CORO2B: variants seen among roughly 807,000 people sequenced by gnomAD.
CORO2B encodes the protein coronin-2B.
In CORO2B, 26 loss-of-function variants were observed where a neutral mutation model predicts 58.8. The observed-to-expected ratio is 0.44, with a 90% CI of 0.32 to 0.61. CORO2B has a LOEUF of 0.61. CORO2B is among the 20% of genes least tolerant of loss of function. The pLI is 0.04. For missense variants in CORO2B, 460 were observed against 645.1 expected, an observed-to-expected ratio of 0.71 and a Z score of 3.11; for synonymous variants, 242 against 253.8, an observed-to-expected ratio of 0.95 and a Z score of 0.44.
At chr15:68,663,225 A>T (rs1309860295) in intron 2 of CORO2B, among the ~76,000 whole-genome samples, 1 of 152,210 alleles carries the variant, frequency 6.6e-6, no homozygotes, top group South Asian at 2.1e-4. Context: ...ATATAGAAAG[A>T]GTTTCCTTGC....
At chr15:68,690,339 T>C (rs2140309246) in intron 2 of CORO2B, among the ~76,000 whole-genome samples, 2 of 152,352 alleles carry the variant, frequency 1.3e-5, no homozygotes, top group Middle Eastern at 3.4e-3. Context: ...CATTTCCTAC[T>C]CTGGTTTTAG....
intron 1 of CORO2B, among the ~76,000 whole-genome samples, chr15:68,579,669 G>C (rs1000077004): frequency 4.6e-5 from 7 of 152,208 alleles, no homozygotes; most frequent in Non-Finnish European, 1.0e-4. Flanking sequence ...GTGGGTGTGG[G>C]GATGGGCCTG....
At chr15:68,598,707 G>A (rs569013039) in intron 1 of CORO2B, among the ~76,000 whole-genome samples, 1 of 152,324 alleles carries the variant, frequency 6.6e-6, no homozygotes, top group East Asian at 1.9e-4. Flanking sequence ...GCTCTCCTCT[G>A]TGCCTTCCCA....
At chr15:68,604,499 G>A (rs1004110169) in intron 1 of CORO2B, among the ~76,000 whole-genome samples, 1 of 151,928 alleles carries the variant, frequency 6.6e-6, no homozygotes, top group African/African-American at 2.4e-5. Flanking sequence ...AAATTAAAAA[G>A]GTGTGGTTTT....
chr15:68,691,312 A>G (rs1892360177), intron 2 of CORO2B, among the ~76,000 whole-genome samples: 1 of 115,628 alleles, frequency 8.6e-6, no homozygotes, highest in East Asian at 2.6e-4. Flanking sequence ...CCTGGGAGAC[A>G]GCGAGACTCC....
chr15:68,645,914 C>T lies in CORO2B; in HGVS notation c.216+554C>T, dbSNP rs1006671442. On this transcript the variant is annotated intron_variant, in intron 2 of 11. Coordinates refer to ENST00000261861, the MANE Select transcript of CORO2B (RefSeq NM_006091.5). The surrounding 1 kb of genome is among the most constrained non-coding windows in gnomAD (Gnocchi z 4.5). Reference sequence around the variant, plus strand: ...TCAGCCTCCCGAGAAGCTGGGATTGCAGGCACGTGCCACCACGCCCAGCTA... The same window carrying T: ...TCAGCCTCCCGAGAAGCTGGGATTGTAGGCACGTGCCACCACGCCCAGCTA... Among the ~76,000 whole-genome samples the T allele has an allele frequency of 6.6e-6, 1 of 152,046 alleles. No individual in the cohort carries two copies. Among genetic ancestry groups the T allele is most frequent in the Non-Finnish European group, 1.5e-5 (1 of 68,022 alleles).
chr15:68,717,953 A>G (rs1419156326), intron 8 of CORO2B, among the ~76,000 whole-genome samples: 1 of 152,212 alleles, frequency 6.6e-6, no homozygotes, highest in East Asian at 1.9e-4. Flanking sequence ...TCCTCCTCGA[A>G]CCAGCCAAGG....
At chr15:68,652,866 A>C (rs1480123025) in intron 2 of CORO2B, among the ~76,000 whole-genome samples, 1 of 152,204 alleles carries the variant, frequency 6.6e-6, no homozygotes, top group Non-Finnish European at 1.5e-5. Context: ...GTGCCTGCCC[A>C]CCTTACAGAG....
At chr15:68,659,346 CAATT>C (rs1287964532) in intron 2 of CORO2B, among the ~76,000 whole-genome samples, 2 of 152,192 alleles carry the variant, frequency 1.3e-5, no homozygotes, top group Non-Finnish European at 1.5e-5. Flanking sequence ...CATAAACAGT[CAATT>C]AACACATATC....
At chr15:68,711,140 C>T (rs1203835908) in intron 4 of CORO2B, among the ~76,000 whole-genome samples, 2 of 152,150 alleles carry the variant, frequency 1.3e-5, no homozygotes, top group Admixed American at 6.5e-5. Context: ...CCCTTCCATG[C>T]CCACACCCTT....
chr15:68,628,766 AT>A (rs1900749312), intron 1 of CORO2B, among the ~76,000 whole-genome samples: 1 of 152,228 alleles, frequency 6.6e-6, no homozygotes, highest in South Asian at 2.1e-4. Context: ...CCCAGGGCTT[AT>A]CCTGCCTCCT....
intron 1 of CORO2B, chr15:68,641,514 A>C (rs1222524216): frequency 2.0e-6 from 2 of 985,026 alleles, no homozygotes; most frequent in Non-Finnish European, 2.4e-6. Context: ...AGGGTGGACG[A>C]GGAAGAGGTG....
the CORO2B span, among the ~76,000 whole-genome samples, chr15:68,559,179 C>A: frequency 1.3e-5 from 2 of 152,004 alleles, no homozygotes; most frequent in Non-Finnish European, 2.9e-5. This position sits in a 1 kb window ranked among gnomAD's most constrained non-coding sequence, Gnocchi z 4.3. Context: ...GGCGTCAGTG[C>A]TACTTCAAAG....
At chr15:68,594,731 G>A (rs1282282863) in intron 1 of CORO2B, among the ~76,000 whole-genome samples, 2 of 152,206 alleles carry the variant, frequency 1.3e-5, no homozygotes, top group Non-Finnish European at 2.9e-5. Flanking sequence ...TGGGTTTGAA[G>A]TGAGACAGAG....
In CORO2B at chr15:68,719,416, C is replaced by G; in HGVS notation, c.1175C>G (p.Pro392Arg). ...GCGTTTCCCTTGCCTTCTTTAGATC[C>G]CGTGCTGATGTCTTTGAAAGAAGGC... ...DEWLGGINRD[P>R]VLMSLKEGYK... is the part of the protein sequence containing the mutation. Residue 392 changes from proline (P) to arginine (R), a missense_variant, in exon 11 of 12, where the codon CCC becomes CGC. Pro to Arg is a moderately radical substitution (Grantham distance 103, BLOSUM62 -2). This residue lies in a region of CORO2B where 352 missense variants were observed against 543.0 expected (regional missense o/e 0.65). Transcript: ENST00000261861. 1 of 1,613,452 alleles carries G rather than the reference C, an allele frequency of 6.2e-7. No homozygotes were observed. Among genetic ancestry groups the G allele is most frequent in the Non-Finnish European group, 8.5e-7 (1 of 1,179,796 alleles).
upstream of CORO2B, among the ~76,000 whole-genome samples, chr15:68,575,236 C>T (rs11631477): frequency 0.25 from 37,848 of 152,112 alleles, 4,859 homozygotes; most frequent in African/African-American, 0.3. Context: ...TGGATAAACA[C>T]CCGCTAGGCT....
At chr15:68,642,406 G>A (rs1315915735) in intron 1 of CORO2B, among the ~76,000 whole-genome samples, 5 of 152,116 alleles carry the variant, frequency 3.3e-5, no homozygotes, top group African/African-American at 1.2e-4. Flanking sequence ...CTAGAAACAG[G>A]CCTTGTGCAG....
At chr15:68,656,838 G>A (rs768097007) in intron 2 of CORO2B, among the ~76,000 whole-genome samples, 8 of 152,132 alleles carry the variant, frequency 5.3e-5, no homozygotes, top group African/African-American at 1.7e-4. Context: ...TCCTAACCCC[G>A]AGGCTGTTCT....
chr15:68,652,511 C>T (rs185756297), intron 2 of CORO2B, among the ~76,000 whole-genome samples: 3 of 152,312 alleles, frequency 2.0e-5, no homozygotes, highest in Admixed American at 2.0e-4. Flanking sequence ...CTACCTGCTA[C>T]CCCAACTGGC....
Sources: gnomAD v4.1 joint callset for allele counts (sites outside exome capture counted in the v4.1 genomes callset) on GRCh38, gnomAD v4.1.1 for gene constraint, gnomAD v4.1.1 regional missense constraint, Gnocchi (gnomAD v3.1) non-coding constraint, MANE v1.5 for transcripts, NCBI Gene and HGNC (gene_info 2026-07-23, HGNC 2026-07-21) for gene names.